NLGN1: variants seen among roughly 807,000 people sequenced by gnomAD.
NLGN1 encodes neuroligin-1.
Under a neutral mutation model 65.5 loss-of-function variants are expected in NLGN1, and 12 were observed. That is an observed-to-expected ratio of 0.18 (90% CI 0.12 to 0.30). The LOEUF is 0.30. NLGN1 is among the 10% of genes least tolerant of loss of function. The probability of loss-of-function intolerance (pLI) is 1.00; values close to 1 mark genes in which losing one functional copy is unlikely to be tolerated. For synonymous variants in NLGN1, 350 were observed against 359.5 expected (o/e 0.97, Z 0.30); for missense variants, 750 against 1,007.1 (o/e 0.74, Z 3.46).
At chr3:174,234,830 C>T (rs1460394507) in intron 4 of NLGN1, among the ~76,000 whole-genome samples, 6 of 151,812 alleles carry the variant, frequency 4.0e-5, no homozygotes, top group Admixed American at 2.0e-4. Context: ...ACCAAATTAA[C>T]GTAAAACAAA....
intron 2 of NLGN1, among the ~76,000 whole-genome samples, chr3:173,528,329 T>C (rs776588872): frequency 3.9e-5 from 6 of 152,178 alleles, no homozygotes; most frequent in Non-Finnish European, 7.3e-5. Flanking sequence ...GAGATTCCTT[T>C]TATAGGGGAT....
intron 2 of NLGN1, among the ~76,000 whole-genome samples, chr3:173,442,789 A>G (rs1719437973): frequency 6.6e-6 from 1 of 152,176 alleles, no homozygotes; most frequent in Non-Finnish European, 1.5e-5. Flanking sequence ...GGATGTTAAT[A>G]ACTTGACTGC....
At chr3:173,537,203 G>A (rs185657758) in intron 2 of NLGN1, among the ~76,000 whole-genome samples, 12 of 152,248 alleles carry the variant, frequency 7.9e-5, no homozygotes, top group Admixed American at 7.2e-4. Context: ...TAAAATTAAT[G>A]ATCACAAATC....
At chr3:173,932,312 G>C (rs550893053) in intron 4 of NLGN1, among the ~76,000 whole-genome samples, 1 of 151,922 alleles carries the variant, frequency 6.6e-6, no homozygotes, top group Non-Finnish European at 1.5e-5. Flanking sequence ...TCCTTAAGTT[G>C]CTTCATAAGA....
intron 4 of NLGN1, among the ~76,000 whole-genome samples, chr3:173,818,895 C>CTTTTTTCTTTTTTTT (rs1719589210): frequency 1.1e-5 from 1 of 92,400 alleles, no homozygotes; most frequent in African/African-American, 4.7e-5. Context: ...TTGAATAGTT[C>CTTTTTTCTTTTTTTT]TTTTTTTTTT....
rs146823069 is a variant in NLGN1, at chr3:173,753,445, C to G, written c.494-54235C>G. On this transcript the variant is annotated intron_variant, in intron 3 of 6. Transcript: ENST00000457714. Reference sequence around the variant, plus strand: ...AATCATCCATGATTTTCATCTTCCTCTCATACACCATATCTAATTTGCCAG... The same window carrying G: ...AATCATCCATGATTTTCATCTTCCTGTCATACACCATATCTAATTTGCCAG... 4.1e-3 allele frequency among the ~76,000 whole-genome samples: 619 copies of G among 152,256 alleles called. 6 individuals are homozygous for G. Among genetic ancestry groups the G allele is most frequent in the African/African-American group, 0.014 (589 of 41,582 alleles).
At chr3:173,422,967 C>T (rs1357553080) in intron 1 of NLGN1, among the ~76,000 whole-genome samples, 1 of 152,132 alleles carries the variant, frequency 6.6e-6, no homozygotes, top group Admixed American at 6.6e-5. Context: ...GGAATTCTTT[C>T]CTGACTTTAT....
chr3:173,741,195 G>A (rs1372831731), intron 3 of NLGN1, among the ~76,000 whole-genome samples: 10 of 152,056 alleles, frequency 6.6e-5, no homozygotes, highest in Admixed American at 6.6e-4. Context: ...TTAACTTGCT[G>A]CTTGGATTCC....
intron 4 of NLGN1, among the ~76,000 whole-genome samples, chr3:173,892,977 A>G (rs1735636934): frequency 6.6e-6 from 1 of 152,160 alleles, no homozygotes; most frequent in Non-Finnish European, 1.5e-5. Context: ...ATAACTATGC[A>G]TCTTCTGAGC....
At chr3:173,761,171 T>C (rs1777918088) in intron 3 of NLGN1, among the ~76,000 whole-genome samples, 1 of 152,048 alleles carries the variant, frequency 6.6e-6, no homozygotes, top group African/African-American at 2.4e-5. Context: ...TAAGTTAGTG[T>C]GCAATGACTT....
chr3:173,742,982 A>G (rs948204714), intron 3 of NLGN1, among the ~76,000 whole-genome samples: 3 of 152,276 alleles, frequency 2.0e-5, no homozygotes, highest in Admixed American at 6.5e-5. Flanking sequence ...ATAATCTTCA[A>G]TATAGAGATT....
intron 2 of NLGN1, among the ~76,000 whole-genome samples, chr3:173,545,440 A>T (rs1252779164): frequency 6.6e-6 from 1 of 152,176 alleles, no homozygotes; most frequent in African/African-American, 2.4e-5. Context: ...AAAAATGTAC[A>T]TTTCAGAAAA....
chr3:174,025,131 A>G (rs291944), intron 4 of NLGN1, among the ~76,000 whole-genome samples: 146,062 of 152,264 alleles, frequency 0.96, 70,111 homozygotes, highest in East Asian at 1. Flanking sequence ...TTTCATTTCT[A>G]GTTAATCATA....
chr3:173,449,687 T>A (rs1374181268), intron 2 of NLGN1, among the ~76,000 whole-genome samples: 1 of 152,204 alleles, frequency 6.6e-6, no homozygotes, highest in Non-Finnish European at 1.5e-5. Context: ...ATTGTTATTG[T>A]GTGGGAGTCT....
chr3:173,525,102 C>T (rs893616084), intron 2 of NLGN1, among the ~76,000 whole-genome samples: 3 of 152,050 alleles, frequency 2.0e-5, no homozygotes, highest in Admixed American at 6.6e-5. Context: ...ATACTTCTTC[C>T]TCAGGTTTTT....
intron 2 of NLGN1, among the ~76,000 whole-genome samples, chr3:173,454,955 G>A (rs1168176730): frequency 6.6e-6 from 1 of 152,142 alleles, no homozygotes; most frequent in South Asian, 2.1e-4. Flanking sequence ...CTTTAATACT[G>A]TTGTGTCTTA....
At chr3:174,072,404 C>A (rs1231820500) in intron 4 of NLGN1, among the ~76,000 whole-genome samples, 2 of 152,044 alleles carry the variant, frequency 1.3e-5, no homozygotes, top group Non-Finnish European at 2.9e-5. Flanking sequence ...CTAACTTTGG[C>A]ATGAGGATGA....
At chr3:174,086,981 GGA>G (rs1743541132) in intron 4 of NLGN1, among the ~76,000 whole-genome samples, 1 of 152,094 alleles carries the variant, frequency 6.6e-6, no homozygotes, top group African/African-American at 2.4e-5. Context: ...GACAAAACGT[GGA>G]GCTGGAGGCC....
intron 4 of NLGN1, chr3:174,202,775 C>A (rs1734710133): frequency 6.6e-6 from 1 of 152,164 alleles, no homozygotes; most frequent in African/African-American, 2.4e-5. Flanking sequence ...ACAAGAAAAT[C>A]TGTTATTCAA....
Sources: allele counts gnomAD v4.1 joint callset (sites outside exome capture counted in the v4.1 genomes callset), GRCh38; gene constraint gnomAD v4.1.1; transcripts MANE v1.5; gene names NCBI Gene and HGNC (gene_info 2026-07-23, HGNC 2026-07-21).